PLCB4: variants seen among roughly 807,000 people sequenced by gnomAD.
PLCB4 encodes the protein 1-phosphatidylinositol 4,5-bisphosphate phosphodiesterase beta-4.
PLCB4 carries 77 observed loss-of-function variants against 178.8 expected under a neutral mutation model. That is an observed-to-expected ratio of 0.43 (90% CI 0.36 to 0.52). PLCB4 has a LOEUF of 0.52. PLCB4 is among the 20% of genes least tolerant of loss of function. The pLI, the probability that PLCB4 is intolerant of heterozygous loss-of-function variation, is 0.00. For missense variants in PLCB4, 1,024 were observed against 1,453.4 expected, an observed-to-expected ratio of 0.70 and a Z score of 4.80; for synonymous variants, 496 against 490.8, an observed-to-expected ratio of 1.01 and a Z score of -0.14.
Position 9,253,634 on chromosome 20 carries a change from C to T in PLCB4, c.-16+36182C>T, listed in dbSNP as rs145636230. 1.2e-3 allele frequency among the ~76,000 whole-genome samples: 187 copies of T among 152,252 alleles called. 1 individual carries two copies. The highest frequency in any genetic ancestry group is 4.2e-3 in the African/African-American group (174 of 41,532). On this transcript the variant is annotated intron_variant, in intron 3 of 39. Coordinates refer to ENST00000378473, the MANE Select transcript of PLCB4 (RefSeq NM_001377142.1). ...CAGTCATTTTGCTTATTATGTTTTG[C>T]CTCTTTGTTGATGATAAGCTCAAAT...
chr20:9,114,552 C>T (rs1386708499), intron 2 of PLCB4, among the ~76,000 whole-genome samples: 2 of 152,070 alleles, frequency 1.3e-5, no homozygotes, highest in Non-Finnish European at 2.9e-5. Flanking sequence ...TATTCCAAAC[C>T]CCTAGCTTTT....
chr20:9,129,351 G>T (rs138142190), intron 2 of PLCB4, among the ~76,000 whole-genome samples: 274 of 152,280 alleles, frequency 1.8e-3, no homozygotes, highest in Admixed American at 3.5e-3. Context: ...AATAACTGGA[G>T]AAGTGTATTC....
At position 9,365,604 on chromosome 20, in the gene PLCB4, G is replaced by T. The variant is rs926395564; in HGVS notation, c.503+90G>T. ...GAGAACCCTTCACAAGTATTTGTGT[G>T]TTAAATGCTTTAAAGATATTTCTGG... On this transcript the variant is annotated intron_variant, in intron 9 of 39. Coordinates refer to ENST00000378473, the MANE Select transcript of PLCB4 (RefSeq NM_001377142.1). The T allele has an allele frequency of 7.3e-6, 5 of 680,984 alleles. No homozygotes were observed. The African/African-American group carries it at 9.1e-5, about 12-fold the overall frequency. The allele number at this position is 680,984 out of a possible 1,614,324, so 42.2% of individuals were successfully genotyped here.
chr20:9,076,938 C>G lies in PLCB4; in HGVS notation c.-135+7732C>G, dbSNP rs550187019. The stretch of plus-strand genomic sequence containing the variant: ...CAAAATGCAAAGTACCCTTTTCCAC[C>G]TACACCCATTCCCAGATACAGTCAT... On this transcript the variant is annotated intron_variant, in intron 1 of 39. Transcript: ENST00000378473. Among the ~76,000 whole-genome samples, 414 of 152,104 alleles carry G rather than the reference C, an allele frequency of 2.7e-3. 2 individuals are homozygous for G. The highest frequency in any genetic ancestry group is 8.9e-3 in the African/African-American group (369 of 41,476).
At chr20:9,218,356 C>T (rs1419960359) in intron 3 of PLCB4, among the ~76,000 whole-genome samples, 4 of 152,158 alleles carry the variant, frequency 2.6e-5, no homozygotes, top group African/African-American at 7.2e-5. Context: ...CTGCCCACCT[C>T]GGCCTCCCAA....
chr20:9,151,267 A>G (rs1555845472), intron 2 of PLCB4, among the ~76,000 whole-genome samples: 1 of 152,170 alleles, frequency 6.6e-6, no homozygotes, highest in Non-Finnish European at 1.5e-5. Context: ...ATATTATGCC[A>G]TTTTATATAA....
At chr20:9,244,224 C>T (rs1359078831) in intron 3 of PLCB4, among the ~76,000 whole-genome samples, 1 of 152,114 alleles carries the variant, frequency 6.6e-6, no homozygotes, top group Non-Finnish European at 1.5e-5. Flanking sequence ...CTAGAAACCC[C>T]CAAGATAATT....
intron 11 of PLCB4, 90 bp downstream of exon 11, chr20:9,372,493 A>C: frequency 1.6e-6 from 1 of 627,674 alleles, no homozygotes; most frequent in Non-Finnish European, 2.8e-6. Context: ...TTAATAGAGT[A>C]TGTTGGTAGC....
At chr20:9,281,926 T>G (rs952666589) in intron 3 of PLCB4, among the ~76,000 whole-genome samples, 4 of 151,888 alleles carry the variant, frequency 2.6e-5, no homozygotes, top group African/African-American at 9.7e-5. Flanking sequence ...CATCCAGAAG[T>G]GAAAAATACA....
At chr20:9,362,749 A>G in intron 7 of PLCB4, 147 bp from the exon 8 acceptor site, 1 of 616,256 alleles carries the variant, frequency 1.6e-6, no homozygotes. Flanking sequence ...TGAGCCTGCA[A>G]AATATAGATG....
intron 11 of PLCB4, among the ~76,000 whole-genome samples, chr20:9,372,615 CT>C (rs940792107): frequency 3.3e-5 from 5 of 151,964 alleles, no homozygotes; most frequent in Admixed American, 1.3e-4. Flanking sequence ...GCACCTGGAA[CT>C]TTTTTTTGCA....
At chr20:9,416,140 T>C (rs1296257155) in intron 25 of PLCB4, among the ~76,000 whole-genome samples, 1 of 152,208 alleles carries the variant, frequency 6.6e-6, no homozygotes, top group African/African-American at 2.4e-5. Context: ...TGGATATGGG[T>C]TTCTTGCCCC....
intron 2 of PLCB4, among the ~76,000 whole-genome samples, chr20:9,211,572 T>C (rs1285398213): frequency 6.6e-6 from 1 of 152,228 alleles, no homozygotes; most frequent in African/African-American, 2.4e-5. Flanking sequence ...GAATCACTTT[T>C]ATGGATTTGG....
At chr20:9,170,686 C>T (rs1426424534) in intron 2 of PLCB4, among the ~76,000 whole-genome samples, 1 of 152,154 alleles carries the variant, frequency 6.6e-6, no homozygotes, top group Non-Finnish European at 1.5e-5. Flanking sequence ...CATGACATTC[C>T]ATGTTTGTGG....
chr20:9,302,754 G>C (rs1178714612), intron 3 of PLCB4, among the ~76,000 whole-genome samples: 1 of 152,128 alleles, frequency 6.6e-6, no homozygotes, highest in Non-Finnish European at 1.5e-5. Flanking sequence ...TAGTAGTTAA[G>C]AATAGTAGTG....
intron 3 of PLCB4, among the ~76,000 whole-genome samples, chr20:9,260,063 A>T (rs2094281554): frequency 6.6e-6 from 1 of 152,108 alleles, no homozygotes; most frequent in Admixed American, 6.5e-5. Context: ...TGTTCATACC[A>T]TCCCAGAAGT....
intron 2 of PLCB4, among the ~76,000 whole-genome samples, chr20:9,214,280 G>A (rs1178198154): frequency 1.3e-5 from 2 of 152,110 alleles, no homozygotes; most frequent in Admixed American, 1.3e-4. Context: ...GATTCACTTG[G>A]AGCTAATTTT....
intron 20 of PLCB4, among the ~76,000 whole-genome samples, chr20:9,404,687 A>T (rs2039304973): frequency 6.6e-6 from 1 of 152,198 alleles, no homozygotes; most frequent in South Asian, 2.1e-4. Flanking sequence ...GCTATCACAA[A>T]AATACCATTG....
chr20:9,431,573 C>A (rs1246619999), intron 28 of PLCB4, among the ~76,000 whole-genome samples: 1 of 152,136 alleles, frequency 6.6e-6, no homozygotes, highest in Non-Finnish European at 1.5e-5. Flanking sequence ...TCAAGCAATT[C>A]TCCTGCCTCA....
Sources: gnomAD v4.1 joint callset for allele counts (sites outside exome capture counted in the v4.1 genomes callset) on GRCh38, gnomAD v4.1.1 for gene constraint, MANE v1.5 for transcripts, NCBI Gene and HGNC (gene_info 2026-07-23, HGNC 2026-07-21) for gene names.